ZNF532: variants seen among roughly 807,000 people sequenced by gnomAD.
The protein encoded by ZNF532 is zinc finger protein 532.
A neutral mutation model predicts 89.3 loss-of-function variants in ZNF532; 22 were observed. That is an observed-to-expected ratio of 0.25 (90% CI 0.18 to 0.35). The LOEUF (loss-of-function observed/expected upper bound fraction) is 0.35, where lower values mean the gene tolerates loss of function less well. ZNF532 is among the 10% of genes least tolerant of loss of function. ZNF532 has a pLI of 1.00. For missense variants in ZNF532, 1,132 were observed against 1,643.4 expected, an observed-to-expected ratio of 0.69 and a Z score of 5.38; for synonymous variants, 606 against 649.6, an observed-to-expected ratio of 0.93 and a Z score of 1.02.
chr18:58,882,621 T>G (rs1295063914), intron 2 of ZNF532, among the ~76,000 whole-genome samples: 1 of 152,152 alleles, frequency 6.6e-6, no homozygotes, highest in Non-Finnish European at 1.5e-5. Context: ...ATTATTTTTA[T>G]TTTTTGTAGA....
intron 5 of ZNF532, among the ~76,000 whole-genome samples, chr18:58,946,999 C>T (rs113776061): frequency 1.3e-5 from 2 of 152,196 alleles, no homozygotes; most frequent in South Asian, 2.1e-4. Flanking sequence ...TCAACTTTGC[C>T]GTAGGAATGC....
intron 2 of ZNF532, among the ~76,000 whole-genome samples, chr18:58,888,142 AATC>A (rs1304190201): frequency 3.3e-5 from 5 of 151,858 alleles, no homozygotes; most frequent in African/African-American, 1.2e-4. Flanking sequence ...AATAAACCAC[AATC>A]ATCATGAGTA....
Position 58,919,058 on chromosome 18 carries a change from G to T in ZNF532, c.771G>T (p.Ala257=), listed in dbSNP as rs778184319. 1 of 1,613,976 alleles carries T rather than the reference G, an allele frequency of 6.2e-7. No homozygotes were observed. Among genetic ancestry groups the T allele is most frequent in the Non-Finnish European group, 8.5e-7 (1 of 1,180,030 alleles). The change falls in exon 3 of 10, where the codon GCG becomes GCT. Residue 257 remains alanine, a synonymous_variant. Transcript: ENST00000591808. The surrounding 1 kb of genome is among the most constrained non-coding windows in gnomAD (Gnocchi z 6.1). ...EKNDTSLPSV[A]PSKTKSSSKL... ...ATGACACCAGCCTCCCCAGCGTTGC[G>T]CCATCAAAGACAAAGTCGTCCTCCA...
chr18:58,891,656 A>G (rs180907592), intron 2 of ZNF532, among the ~76,000 whole-genome samples: 119 of 152,338 alleles, frequency 7.8e-4, no homozygotes, highest in Non-Finnish European at 1.3e-3. Flanking sequence ...GTGTTCTTGC[A>G]TGTGTTTTAA....
intron 3 of ZNF532, among the ~76,000 whole-genome samples, chr18:58,932,749 A>G (rs1396603213): frequency 6.6e-6 from 1 of 152,100 alleles, no homozygotes; most frequent in Non-Finnish European, 1.5e-5. Context: ...ATGTACTTCA[A>G]TTTACTTAAT....
intron 2 of ZNF532, among the ~76,000 whole-genome samples, chr18:58,882,405 T>G (rs2057997030): frequency 1.3e-5 from 2 of 152,094 alleles, no homozygotes. Flanking sequence ...ACATGATAAC[T>G]ATAGGATGCA....
intron 2 of ZNF532, among the ~76,000 whole-genome samples, chr18:58,895,460 T>G (rs1424243320): frequency 2.0e-5 from 3 of 152,224 alleles, no homozygotes; most frequent in Non-Finnish European, 2.9e-5. Flanking sequence ...TTTGGGGAAC[T>G]CTTGTGGCAA....
At chr18:58,888,725 A>ATAAAATATATATAT (rs1280915761) in intron 2 of ZNF532, among the ~76,000 whole-genome samples, 1 of 29,936 alleles carries the variant, frequency 3.3e-5, no homozygotes, top group Admixed American at 6.3e-4. Context: ...ATATATATAT[A>ATAAAATATATATAT]AATTATATAT....
chr18:58,923,542 G>T (rs770718215), intron 3 of ZNF532, among the ~76,000 whole-genome samples: 2 of 152,072 alleles, frequency 1.3e-5, no homozygotes, highest in Admixed American at 6.6e-5. Flanking sequence ...GTGGCCATGG[G>T]GGTTCTCGAC....
chr18:58,913,400 A>G (rs1179193765), intron 2 of ZNF532, among the ~76,000 whole-genome samples: 3 of 152,204 alleles, frequency 2.0e-5, no homozygotes, highest in Non-Finnish European at 2.9e-5. Context: ...AGAACATTTT[A>G]TATTTGAAGG....
chr18:58,935,496 T>C (rs571127369), intron 4 of ZNF532, among the ~76,000 whole-genome samples: 3 of 28,756 alleles, frequency 1.0e-4, no homozygotes, highest in African/African-American at 1.6e-4. Context: ...TCTTCCCCCC[T>C]TCCTCCTCCT....
chr18:58,888,888 ATTT>A (rs60573111), intron 2 of ZNF532, among the ~76,000 whole-genome samples: 2,071 of 45,246 alleles, frequency 0.046, 230 homozygotes, highest in East Asian at 0.35. Context: ...ATATATATAT[ATTT>A]TATATATATA....
chr18:58,895,413 A>G (rs982361528), intron 2 of ZNF532, among the ~76,000 whole-genome samples: 1 of 152,232 alleles, frequency 6.6e-6, no homozygotes, highest in East Asian at 1.9e-4. Flanking sequence ...ATGTGCTTTA[A>G]TATATTAAAG....
At chr18:58,905,221 C>T (rs1476762845) in intron 2 of ZNF532, among the ~76,000 whole-genome samples, 1 of 152,078 alleles carries the variant, frequency 6.6e-6, no homozygotes, top group Non-Finnish European at 1.5e-5. Context: ...AGGCAGTTTA[C>T]TGGTGAGAGG....
intron 2 of ZNF532, among the ~76,000 whole-genome samples, chr18:58,904,754 C>T (rs2059819247): frequency 6.6e-6 from 1 of 151,982 alleles, no homozygotes; most frequent in African/African-American, 2.4e-5. Context: ...CAGACTGGGG[C>T]TGGCTGTAGT....
chr18:58,968,810 T>C (rs1425092735), intron 7 of ZNF532, among the ~76,000 whole-genome samples: 1 of 152,246 alleles, frequency 6.6e-6, no homozygotes, highest in East Asian at 1.9e-4. Context: ...GGTGAGGCTG[T>C]TATGGACTTG....
chr18:58,937,104 G>A (rs949125439), intron 4 of ZNF532, among the ~76,000 whole-genome samples: 14 of 151,988 alleles, frequency 9.2e-5, no homozygotes, highest in Non-Finnish European at 1.6e-4. Context: ...TGATACACTG[G>A]ACTGTATATC....
chr18:58,891,390 C>T (rs1254995653), intron 2 of ZNF532, among the ~76,000 whole-genome samples: 2 of 152,168 alleles, frequency 1.3e-5, no homozygotes, highest in Non-Finnish European at 2.9e-5. Flanking sequence ...ATTAGCTGGG[C>T]ATCATGGCGC....
intron 9 of ZNF532, 116 bp downstream of exon 9, chr18:58,981,733 C>G (rs974312704): frequency 7.1e-7 from 1 of 1,400,136 alleles, no homozygotes; most frequent in African/African-American, 1.4e-5. Flanking sequence ...TTCAGACTGG[C>G]TGGGTGCGGT....
Sources: allele counts gnomAD v4.1 joint callset (sites outside exome capture counted in the v4.1 genomes callset), GRCh38; gene constraint gnomAD v4.1.1; non-coding constraint Gnocchi (gnomAD v3.1); transcripts MANE v1.5; gene names NCBI Gene and HGNC (gene_info 2026-07-23, HGNC 2026-07-21).